The following SVEP1 variants were observed in gnomAD, a reference collection of about 807,000 sequenced individuals.
SVEP1 encodes sushi, von Willebrand factor type A, EGF and pentraxin domain-containing protein 1.
SVEP1 carries 164 observed loss-of-function variants against 367.3 expected under a neutral mutation model. The ratio of observed to expected loss-of-function variants is 0.45; its 90% CI spans 0.39 to 0.51. The LOEUF (loss-of-function observed/expected upper bound fraction) is 0.51, where lower values mean the gene tolerates loss of function less well. SVEP1 is among the 20% of genes least tolerant of loss of function. The pLI is 0.00. For synonymous variants in SVEP1, 1,666 were observed against 1,611.6 expected (o/e 1.03, Z -0.81); for missense variants, 4,117 against 4,425.3 (o/e 0.93, Z 1.98).
intron 42 of SVEP1, among the ~76,000 whole-genome samples, chr9:110,387,029 G>A (rs887149405): frequency 6.6e-5 from 10 of 151,534 alleles, no homozygotes; most frequent in African/African-American, 2.2e-4. Context: ...ATACATGTAT[G>A]TCAAAATTTT....
At chr9:110,401,126 C>G in intron 39 of SVEP1, 117 bp from the exon 40 acceptor site, 4 of 1,270,164 alleles carry the variant, frequency 3.1e-6, no homozygotes, top group Non-Finnish European at 4.3e-6. Flanking sequence ...CAAAAGCACC[C>G]AGGGTTTGGT....
At chr9:110,377,114 C>A (rs1827361015) in intron 45 of SVEP1, 157 bp downstream of exon 45, 2 of 499,012 alleles carry the variant, frequency 4.0e-6, no homozygotes, top group Middle Eastern at 5.0e-4. Flanking sequence ...AGATCTTCTG[C>A]AACCTGTTGA....
chr9:110,525,810 G>T (rs1244312655), intron 3 of SVEP1, among the ~76,000 whole-genome samples: 1 of 151,776 alleles, frequency 6.6e-6, no homozygotes, highest in Non-Finnish European at 1.5e-5. Flanking sequence ...TAAGTTCTGG[G>T]ATACATGTGC....
intron 41 of SVEP1, among the ~76,000 whole-genome samples, chr9:110,388,219 T>G (rs1303398896): frequency 6.6e-6 from 1 of 152,184 alleles, no homozygotes; most frequent in Non-Finnish European, 1.5e-5. Context: ...ATATGGCTTT[T>G]GAGGAATATG....
At chr9:110,527,705 A>G (rs1485993847) in intron 3 of SVEP1, among the ~76,000 whole-genome samples, 3 of 151,982 alleles carry the variant, frequency 2.0e-5, no homozygotes, top group Admixed American at 6.6e-5. Flanking sequence ...TTTTTTTTCA[A>G]TAGCTTTAGG....
chr9:110,425,823 A>G (rs1588046979), intron 36 of SVEP1, among the ~76,000 whole-genome samples: 1 of 152,210 alleles, frequency 6.6e-6, no homozygotes, highest in Non-Finnish European at 1.5e-5. Context: ...ATATACATGC[A>G]AAGACAAAAT....
rs190388870 is a variant in SVEP1 at position 110,383,433 on chromosome 9, T to C, written c.10237+2465A>G. 2.6e-3 allele frequency among the ~76,000 whole-genome samples: 391 copies of C among 152,296 alleles called. 4 individuals are homozygous for C. Among genetic ancestry groups the C allele is most frequent in the African/African-American group, 8.9e-3 (368 of 41,562 alleles). On this transcript the variant is annotated intron_variant, in intron 43 of 47. Transcript: ENST00000374469. The stretch of plus-strand genomic sequence containing the variant: ...GACGCTGCAGAACAGCAAAGATGGC[T>C]GCCTGCTCTTTCCTCTGGGAGCTCT...
chr9:110,473,595 G>A (rs1257911290), intron 14 of SVEP1, among the ~76,000 whole-genome samples: 3 of 152,026 alleles, frequency 2.0e-5, no homozygotes, highest in Non-Finnish European at 4.4e-5. Flanking sequence ...TCTCTTGTAT[G>A]GTACAACACA....
At chr9:110,372,944 T>C (rs1003728105) in intron 46 of SVEP1, among the ~76,000 whole-genome samples, 5 of 152,098 alleles carry the variant, frequency 3.3e-5, no homozygotes, top group African/African-American at 4.8e-5. Flanking sequence ...AAGTAGTACA[T>C]TGATGATGTT....
intron 22 of SVEP1, among the ~76,000 whole-genome samples, chr9:110,452,543 G>C (rs1377565014): frequency 1.3e-5 from 2 of 152,164 alleles, no homozygotes; most frequent in Non-Finnish European, 2.9e-5. Flanking sequence ...AAGCAATCTG[G>C]ATGTGGTTCC....
At chr9:110,396,795 A>C (rs1297057166) in intron 40 of SVEP1, among the ~76,000 whole-genome samples, 1 of 152,166 alleles carries the variant, frequency 6.6e-6, no homozygotes, top group Non-Finnish European at 1.5e-5. Context: ...TAAACCAGGA[A>C]GTAGTTGAAT....
At chr9:110,497,033 A>G (rs1045339135) in intron 7 of SVEP1, 100 bp from the exon 8 acceptor site, 5 of 677,360 alleles carry the variant, frequency 7.4e-6, no homozygotes, top group Non-Finnish European at 1.2e-5. Flanking sequence ...ACACTGTGAC[A>G]CATTTGTACA....
At chr9:110,538,784 G>A (rs1261744349) in intron 3 of SVEP1, among the ~76,000 whole-genome samples, 1 of 151,990 alleles carries the variant, frequency 6.6e-6, no homozygotes, top group African/African-American at 2.4e-5. Flanking sequence ...TCTATACTTT[G>A]TGTCTCTCAA....
At chr9:110,455,797 G>T in intron 21 of SVEP1, 94 bp from the exon 22 acceptor site, 1 of 972,804 alleles carries the variant, frequency 1.0e-6, no homozygotes, top group African/African-American at 1.9e-5. Context: ...TCAATAATCA[G>T]AATTTTTAAA....
At position 110,408,581 on chromosome 9, in the gene SVEP1, G is replaced by A; in HGVS notation, c.7019C>T (p.Thr2340Ile). The A allele has an allele frequency of 6.2e-7, 1 of 1,613,952 alleles. No individual in the cohort carries two copies. The highest frequency in any genetic ancestry group is 8.5e-7 in the Non-Finnish European group (1 of 1,179,882). The change falls in exon 38 of 48, where the codon ACC (threonine) becomes ATC (isoleucine). Residue 2340 changes from threonine to isoleucine, a missense_variant. Thr to Ile is a moderately conservative substitution (Grantham distance 89, BLOSUM62 -1). This residue lies in a region of SVEP1 where 1,765 missense variants were observed against 1,781.1 expected (regional missense o/e 0.99). Coordinates refer to ENST00000374469, the MANE Select transcript of SVEP1 (RefSeq NM_153366.4). ...ENQLVLKELT[T>I]EVGVVTFSCK... The stretch of plus-strand genomic sequence containing the variant: ...GGAAAATGTCACAACTCCTACCTCG[G>A]TGGTCAACTCCTTTAATACTAGCTG...
intron 5 of SVEP1, among the ~76,000 whole-genome samples, chr9:110,511,308 G>C (rs143850150): frequency 2.0e-5 from 3 of 152,106 alleles, no homozygotes; most frequent in Non-Finnish European, 4.4e-5. Flanking sequence ...CCTCCATTCT[G>C]TTCTCTCTCT....
chr9:110,535,487 C>T (rs1161917009), intron 3 of SVEP1, among the ~76,000 whole-genome samples: 1 of 151,976 alleles, frequency 6.6e-6, no homozygotes, highest in African/African-American at 2.4e-5. Flanking sequence ...TTAGGATTGT[C>T]TTGGCTATTC....
intron 38 of SVEP1, among the ~76,000 whole-genome samples, chr9:110,405,708 T>C (rs1356609134): frequency 6.6e-6 from 1 of 152,228 alleles, no homozygotes; most frequent in Non-Finnish European, 1.5e-5. Flanking sequence ...TTACATAAGA[T>C]ATTTCTTTTA....
intron 40 of SVEP1, among the ~76,000 whole-genome samples, chr9:110,397,754 G>A (rs62569862): frequency 0.022 from 3,346 of 151,786 alleles, 47 homozygotes; most frequent in Middle Eastern, 0.078. Flanking sequence ...TGCTTCAAAG[G>A]GAATAAAATA....
Sources: gnomAD v4.1 joint callset for allele counts (sites outside exome capture counted in the v4.1 genomes callset) on GRCh38, gnomAD v4.1.1 for gene constraint, gnomAD v4.1.1 regional missense constraint, MANE v1.5 for transcripts, NCBI Gene and HGNC (gene_info 2026-07-23, HGNC 2026-07-21) for gene names.